Variants in NADSYN1 observed in about 807,000 individuals in gnomAD.
NADSYN1 encodes the protein glutamine-dependent NAD(+) synthetase.
NADSYN1 carries 80 observed loss-of-function variants against 99.3 expected under a neutral mutation model. The observed-to-expected ratio is 0.81, with a 90% CI of 0.67 to 0.97. The LOEUF (loss-of-function observed/expected upper bound fraction) is 0.97. Ranked by LOEUF, NADSYN1 falls within the 50% of genes least tolerant of loss-of-function variation. NADSYN1 has a pLI of 0.00. For missense variants in NADSYN1, 859 were observed against 948.5 expected (o/e 0.91, Z 1.24); for synonymous variants, 385 against 372.1 (o/e 1.03, Z -0.40).
intron 9 of NADSYN1, chr11:71,475,655 C>T (rs1343968693): frequency 1.0e-5 from 2 of 198,922 alleles, no homozygotes; most frequent in Non-Finnish European, 2.1e-5. Flanking sequence ...CAAACTTCCT[C>T]CACAGAGAAG....
rs1949571496 is a variant in NADSYN1 at position 71,464,147 on chromosome 11, G to A, written c.407+5G>A. On this transcript the variant is annotated splice_donor_5th_base_variant and intron_variant, in intron 5 of 20. Coordinates refer to ENST00000319023, the MANE Select transcript of NADSYN1 (RefSeq NM_018161.5). The stretch of plus-strand genomic sequence containing the variant: ...CACCCCGTGGTCGAGGAGTCGGTGA[G>A]TCGGGTGCCTGACCACTCCTGGGAT... 1 of 1,602,688 alleles carries A rather than the reference G, an allele frequency of 6.2e-7. No homozygotes were observed. The highest frequency in any genetic ancestry group is 8.5e-7 in the Non-Finnish European group (1 of 1,174,480).
rs79660037 is a variant in NADSYN1 at position 71,476,842 on chromosome 11, C to T, written c.799-1553C>T. On this transcript the variant is annotated intron_variant, in intron 9 of 20. Coordinates refer to ENST00000319023, the MANE Select transcript of NADSYN1 (RefSeq NM_018161.5). ...CACATCAAGCCACCAAATCGGAGTC[C>T]TCGGGGGTCTGTATATTTAGTGAGC... is the stretch of plus-strand genomic sequence containing the variant. 6.4e-4 allele frequency: 635 copies of T among 986,148 alleles called. No individual in the cohort carries two copies. In the African/African-American group the frequency reaches 9.7e-3, roughly 15 times the overall value. 61.1% of individuals were successfully genotyped at this position (986,148 alleles called of 1,614,324 possible).
At chr11:71,467,190 C>G (rs1004643574) in intron 5 of NADSYN1, among the ~76,000 whole-genome samples, 2 of 152,142 alleles carry the variant, frequency 1.3e-5, no homozygotes, top group African/African-American at 4.8e-5. Context: ...TAGTATAAGA[C>G]TCAGGAGAAT....
rs1401112464 is a variant in NADSYN1, at chr11:71,482,717, C to A, written c.1151-132C>A. The A allele has an allele frequency of 6.7e-6, 6 of 897,602 alleles. No homozygotes were observed. The African/African-American group carries it at 8.7e-5, about 13-fold the overall frequency. 55.6% of individuals were successfully genotyped at this position (897,602 alleles called of 1,614,324 possible). On this transcript the variant is annotated intron_variant, in intron 13 of 20. Coordinates refer to ENST00000319023, the MANE Select transcript of NADSYN1 (RefSeq NM_018161.5). ...CCTGGGGGTGTAGACCGGGGTGGAG[C>A]CGCACAGGCACCTGGGGGTGTAGAC...
At chr11:71,487,891 A>C (rs1451648701) in intron 16 of NADSYN1, among the ~76,000 whole-genome samples, 1 of 151,336 alleles carries the variant, frequency 6.6e-6, no homozygotes, top group Non-Finnish European at 1.5e-5. Flanking sequence ...GTAATCCCTC[A>C]GCTGCCCCTT....
chr11:71,491,335 G>T (rs1279611675), intron 17 of NADSYN1, among the ~76,000 whole-genome samples: 1 of 152,252 alleles, frequency 6.6e-6, no homozygotes, highest in East Asian at 1.9e-4. Flanking sequence ...ACCTTTCTTC[G>T]GCCTTTGCCG....
rs780816775 is a variant in NADSYN1 at position 71,453,290 on chromosome 11, G to A, written c.-7G>A. The A allele has an allele frequency of 1.2e-6, 2 of 1,613,092 alleles. No individual in the cohort carries two copies. The highest frequency in any genetic ancestry group is 1.7e-6 in the Non-Finnish European group (2 of 1,179,448). On this transcript the variant is annotated 5_prime_UTR_variant, in exon 1 of 21. Transcript: ENST00000319023. ...GCTGGCCTCCTGCCCAAGCGACTGC[G>A]GCCAGGATGGGCCGGAAGGTGACCG...
chr11:71,484,650 G>T (rs1949730286), intron 15 of NADSYN1: 1 of 689,972 alleles, frequency 1.4e-6, no homozygotes, highest in African/African-American at 1.8e-5. Context: ...TTAACAAGGA[G>T]GGGGTCTGTG....
intron 8 of NADSYN1, 75 bp downstream of exon 8, chr11:71,473,761 A>G: frequency 2.8e-6 from 3 of 1,064,804 alleles, no homozygotes; most frequent in South Asian, 1.3e-5. Context: ...CTCAGTGCCC[A>G]TCGCAGGGCT....
Position 71,478,442 on chromosome 11 carries a change from G to A in NADSYN1, c.846G>A (p.Arg282=). The A allele has an allele frequency of 6.2e-7, 1 of 1,609,106 alleles. No individual in the cohort carries two copies. The highest frequency in any genetic ancestry group is 8.5e-7 in the Non-Finnish European group (1 of 1,177,878). Residue 282 remains arginine, a synonymous_variant, in exon 10 of 21, where the codon AGG becomes AGA. Coordinates refer to ENST00000319023, the MANE Select transcript of NADSYN1 (RefSeq NM_018161.5). ...TLDLEDVRSY[R]AEISSRNLAA... ...ATCTGGAGGACGTCCGGAGCTACAG[G>A]GCGGAGATTTCATCTCGAAACCTGG...
In NADSYN1 at chr11:71,461,532, G is replaced by A. The variant is rs535177311; in HGVS notation, c.264-1900G>A. On this transcript the variant is annotated intron_variant, in intron 3 of 20. Transcript: ENST00000319023. ...CAACCTCTGCCACCCGGGTTCAAGC[G>A]ATTCTCCTGCCTCAGCCTCCCAAGT... Among the ~76,000 whole-genome samples, 90 of 152,238 alleles carry A rather than the reference G, an allele frequency of 5.9e-4. 1 individual carries two copies. The highest frequency in any genetic ancestry group is 1.9e-3 in the African/African-American group (79 of 41,534).
chr11:71,484,848 T>C (rs1949731929), intron 15 of NADSYN1: 1 of 205,162 alleles, frequency 4.9e-6, no homozygotes. Flanking sequence ...TGCACAAGTG[T>C]GGGTGTGCTT....
At chr11:71,480,618 T>G in intron 10 of NADSYN1, 137 bp from the exon 11 acceptor site, 3 of 1,266,472 alleles carry the variant, frequency 2.4e-6, no homozygotes, top group Non-Finnish European at 3.3e-6. Context: ...GCCATCCTCG[T>G]GGGAGTGAGG....
rs373056908 is a variant in NADSYN1, at chr11:71,486,069, C to G, written c.1562+421C>G. Among the ~76,000 whole-genome samples, 105 of 152,318 alleles carry G rather than the reference C, an allele frequency of 6.9e-4. 1 individual carries two copies. In the South Asian group the frequency reaches 0.021, roughly 31 times the overall value. On this transcript the variant is annotated intron_variant, in intron 16 of 20. Transcript: ENST00000319023. ...TATTGCTTCCTTGTTCAACAAAACTCAGAGCCTCCCTGTTGTTTTCTGGAT... is the reference window on the plus strand; with the variant it reads ...TATTGCTTCCTTGTTCAACAAAACTGAGAGCCTCCCTGTTGTTTTCTGGAT...
rs200972135 is a variant in NADSYN1, at chr11:71,488,292, G to C, written c.1563-2553G>C. 3.3e-5 allele frequency among the ~76,000 whole-genome samples: 5 copies of C among 151,492 alleles called. No individual in the cohort carries two copies. In the East Asian group the frequency reaches 5.9e-4, roughly 18 times the overall value. On this transcript the variant is annotated intron_variant, in intron 16 of 20. Coordinates refer to ENST00000319023, the MANE Select transcript of NADSYN1 (RefSeq NM_018161.5). Reference sequence around the variant, plus strand: ...AACATGTGTATTGTAGGAAACGTCCGCCGAGAGAGCTCAAGGAGGGGAAGG... The same window carrying C: ...AACATGTGTATTGTAGGAAACGTCCCCCGAGAGAGCTCAAGGAGGGGAAGG...
chr11:71,474,380 G>A lies in NADSYN1; in HGVS notation c.667-15G>A, dbSNP rs1232786899. 2 of 1,614,052 alleles carry A rather than the reference G, an allele frequency of 1.2e-6. No homozygotes were observed. Among genetic ancestry groups the A allele is most frequent in the Non-Finnish European group, 8.5e-7 (1 of 1,179,958 alleles). On this transcript the variant is annotated splice_polypyrimidine_tract_variant and intron_variant, in intron 8 of 20. Transcript: ENST00000319023. The stretch of plus-strand genomic sequence containing the variant: ...ACACAGCTGACCACTCCGCTATGGG[G>A]TCCTCCTTTTTCAGAACGGTGGGAT...
rs745647969 is a variant in NADSYN1, at chr11:71,491,844, G to A, written c.1705G>A (p.Ala569Thr). The A allele has an allele frequency of 8.7e-6, 14 of 1,614,028 alleles. No homozygotes were observed. In the South Asian group the frequency reaches 1.4e-4, roughly 16 times the overall value. ...GTGTTTTGGCTGCAGCATCCTGTTG[G>A]CGCCGGCCACCGCAGAGCTGGAGCC... ...QLPALQSILL[A>T]PATAELEPLA... The change falls in exon 18 of 21, where the codon GCG becomes ACG. Residue 569 changes from alanine to threonine, a missense_variant. Transcript: ENST00000319023.
chr11:71,494,151 A>G (rs1949803561), intron 18 of NADSYN1, among the ~76,000 whole-genome samples: 1 of 152,108 alleles, frequency 6.6e-6, no homozygotes, highest in African/African-American at 2.4e-5. Flanking sequence ...AGGCCTTCCC[A>G]TTCACCCACC....
intron 4 of NADSYN1, among the ~76,000 whole-genome samples, 190 bp from the exon 5 acceptor site, chr11:71,463,863 G>A (rs1007745396): frequency 1.9e-4 from 29 of 152,328 alleles, no homozygotes; most frequent in South Asian, 8.3e-4. Flanking sequence ...TGACGGTCAC[G>A]AATGGATGCA....
Sources: allele counts gnomAD v4.1 joint callset (sites outside exome capture counted in the v4.1 genomes callset), GRCh38; gene constraint gnomAD v4.1.1; transcripts MANE v1.5; gene names NCBI Gene and HGNC (gene_info 2026-07-23, HGNC 2026-07-21).